Variants in TMF1 observed in about 807,000 individuals in gnomAD.
TMF1 encodes the protein TATA element modulatory factor 1, also known as TATA element modulatory factor.
A neutral mutation model predicts 126.5 loss-of-function variants in TMF1; 71 were observed. The ratio of observed to expected loss-of-function variants is 0.56; its 90% CI spans 0.46 to 0.68. The LOEUF (loss-of-function observed/expected upper bound fraction) is 0.68. Among genes scored for constraint, TMF1 ranks in the 30% least tolerant of loss-of-function variants. The pLI is 0.00. For missense variants in TMF1, 1,259 were observed against 1,253.2 expected (o/e 1.00, Z -0.07); for synonymous variants, 461 against 430.5 (o/e 1.07, Z -0.88).
At chr3:69,039,116 A>G (rs1052983683) in intron 6 of TMF1, 107 bp from the exon 7 acceptor site, 9 of 994,588 alleles carry the variant, frequency 9.0e-6, no homozygotes. Context: ...TATTTTTTTG[A>G]GACAAAGTCT....
chr3:69,035,439 G>C, intron 8 of TMF1: 1 of 210,952 alleles, frequency 4.7e-6, no homozygotes, highest in Non-Finnish European at 9.5e-6. Flanking sequence ...AAAGTGATAG[G>C]TGCTATACGG....
In TMF1 at chr3:69,044,556, C is replaced by T. The variant is rs749208790; in HGVS notation, c.1387G>A (p.Ala463Thr). Residue 463 changes from alanine to threonine, a missense_variant, in exon 3 of 17, where the codon GCT (alanine) becomes ACT (threonine). Coordinates refer to ENST00000398559, the MANE Select transcript of TMF1 (RefSeq NM_007114.3). ...TCCTTACTAAGAGATAATAACTGAG[C>T]CTCCCTTTTTTCCAGCTTTTCATTC... is the stretch of plus-strand genomic sequence containing the variant. ...FLNEKLEKRE[A>T]QLLSLSKEKA... 4.3e-6 allele frequency: 7 copies of T among 1,609,442 alleles called. No individual in the cohort carries two copies. The highest frequency in any genetic ancestry group is 5.9e-6 in the Non-Finnish European group (7 of 1,178,726).
Position 69,048,410 on chromosome 3 carries a change from C to T in TMF1, c.295G>A (p.Ala99Thr). The T allele has an allele frequency of 6.2e-7, 1 of 1,614,162 alleles. No individual in the cohort carries two copies. Among genetic ancestry groups the T allele is most frequent in the Non-Finnish European group, 8.5e-7 (1 of 1,180,038 alleles). ...TGGACATCAGTTGGCGAGAGAAAGG[C>T]ACTGAAGAAATTTTCAGATTCATCG... is the stretch of plus-strand genomic sequence containing the variant. ...VVDESENFFS[A>T]FLSPTDVQTI... The change falls in exon 2 of 17, where the codon GCC becomes ACC. Residue 99 changes from alanine to threonine, a missense_variant. By Grantham distance (58) the Ala-to-Thr change is moderately conservative. Coordinates refer to ENST00000398559, the MANE Select transcript of TMF1 (RefSeq NM_007114.3).
At position 69,027,871 on chromosome 3, in the gene TMF1, CACAA is replaced by C. The variant is rs752496751; in HGVS notation, c.2757+25_2757+28del. The C allele has an allele frequency of 7.0e-5, 89 of 1,267,186 alleles. No individual in the cohort carries two copies. The African/African-American group carries it at 9.7e-4, about 14-fold the overall frequency. The allele number at this position is 1,267,186 out of a possible 1,614,324, so 78.5% of individuals were successfully genotyped here. On this transcript the variant is annotated intron_variant, in intron 13 of 16. Transcript: ENST00000398559. Reference sequence around the variant, plus strand: ...CACAGCATCTACTAAATGGTTACACCACAAACAAACAAAAACAAAATTCAATACC... The same window carrying C: ...CACAGCATCTACTAAATGGTTACACCACAAACAAAAACAAAATTCAATACC...
intron 15 of TMF1, 175 bp from the exon 16 acceptor site, chr3:69,024,355 G>A (rs773961705): frequency 1.0e-4 from 51 of 486,702 alleles, no homozygotes; most frequent in Admixed American, 1.7e-4. Flanking sequence ...GCAGAAAAAC[G>A]GTCCCAACTT....
chr3:69,048,675 C>T, intron 1 of TMF1, 113 bp from the exon 2 acceptor site: 1 of 1,015,200 alleles, frequency 9.9e-7, no homozygotes, highest in East Asian at 2.7e-5. Flanking sequence ...CTATGAAATA[C>T]CTGTAATTTG....
chr3:69,040,684 T>C (rs999284529), intron 5 of TMF1, among the ~76,000 whole-genome samples: 1 of 152,240 alleles, frequency 6.6e-6, no homozygotes, highest in East Asian at 1.9e-4. Context: ...CCCAGCACTT[T>C]TGGGAAGCAG....
rs1460044972 is a variant in TMF1 at position 69,033,631 on chromosome 3, C to G, written c.2318G>C (p.Arg773Pro). 2 of 1,613,858 alleles carry G rather than the reference C, an allele frequency of 1.2e-6. No individual in the cohort carries two copies. The highest frequency in any genetic ancestry group is 1.1e-5 in the South Asian group (1 of 91,062). ...GGTTGCTTGCAAATTTTCTATTTGT[C>G]GAAGCAATGGTCTTGTTGTTGATGA... Reference protein sequence around the residue: ...SVSSTTRPLLRQIENLQATLG... With the variant: ...SVSSTTRPLLPQIENLQATLG... The change falls in exon 10 of 17, where the codon CGA becomes CCA. Residue 773 changes from arginine (R) to proline (P), a missense_variant. Coordinates refer to ENST00000398559, the MANE Select transcript of TMF1 (RefSeq NM_007114.3).
chr3:69,043,723 A>G (rs1386953560), intron 4 of TMF1, 27 bp downstream of exon 4: 1 of 1,581,946 alleles, frequency 6.3e-7, no homozygotes, highest in South Asian at 1.2e-5. Context: ...ATAGAGTTTA[A>G]TTAATATTAC....
In TMF1 at chr3:69,025,697, G is replaced by T. The variant is rs768834828; in HGVS notation, c.2875C>A (p.His959Asn). Residue 959 changes from histidine (H) to asparagine (N), a missense_variant, in exon 15 of 17, where the codon CAC (histidine) becomes AAC (asparagine). Coordinates refer to ENST00000398559, the MANE Select transcript of TMF1 (RefSeq NM_007114.3). ...GATATAGGCATTGGTCCAAATGAGT[G>T]ATCATGAGACTCATCCTATGTTAAT... Reference protein sequence around the residue: ...SFLSQDESHDHSFGPMPISAN... With the variant: ...SFLSQDESHDNSFGPMPISAN... 16 of 1,613,534 alleles carry T rather than the reference G, an allele frequency of 9.9e-6. No individual in the cohort carries two copies. The highest frequency in any genetic ancestry group is 1.4e-5 in the Non-Finnish European group (16 of 1,179,754).
Position 69,024,114 on chromosome 3 carries a change from G to T in TMF1, c.3079C>A (p.Gln1027Lys). The T allele has an allele frequency of 1.2e-6, 2 of 1,610,048 alleles. No homozygotes were observed. The highest frequency in any genetic ancestry group is 2.2e-5 in the South Asian group (2 of 90,264). ...MAEELVKLTN[Q>K]NDELEEKVKE... is the part of the protein sequence containing the mutation. The stretch of plus-strand genomic sequence containing the variant: ...ACCTTCTCTTCAAGTTCATCATTTT[G>T]ATTTGTTAATTTAACTAGTTCTTCA... The change falls in exon 16 of 17, where the codon CAA becomes AAA. Residue 1027 changes from glutamine to lysine, a missense_variant. Coordinates refer to ENST00000398559, the MANE Select transcript of TMF1 (RefSeq NM_007114.3).
chr3:69,045,753 T>A (rs979939383), intron 2 of TMF1, among the ~76,000 whole-genome samples: 1 of 151,368 alleles, frequency 6.6e-6, no homozygotes, highest in African/African-American at 2.4e-5. Flanking sequence ...CCTCAAAAAA[T>A]AAATAAATAA....
rs771018932 is a variant in TMF1 at position 69,020,668 on chromosome 3, T to C, written c.*2509A>G. ...CACCTACTGGAGTTTTTCAAGAAAC[T>C]GTTTAAGTTCACTTTAACTTACAGA... On this transcript the variant is annotated 3_prime_UTR_variant, in exon 17 of 17. Transcript: ENST00000398559. The C allele has an allele frequency of 6.6e-6, 1 of 152,164 alleles. No individual in the cohort carries two copies. Among genetic ancestry groups the C allele is most frequent in the Non-Finnish European group, 1.5e-5 (1 of 67,998 alleles). 9.4% of individuals were successfully genotyped at this position (152,164 alleles called of 1,614,324 possible).
intron 16 of TMF1, among the ~76,000 whole-genome samples, chr3:69,023,767 C>T (rs1415134153): frequency 6.6e-6 from 1 of 152,002 alleles, no homozygotes; most frequent in Admixed American, 6.6e-5. Flanking sequence ...TAACAACAAT[C>T]AACAAAATAT....
intron 13 of TMF1, among the ~76,000 whole-genome samples, chr3:69,026,879 A>C (rs917500529): frequency 2.0e-5 from 3 of 152,208 alleles, no homozygotes; most frequent in Non-Finnish European, 4.4e-5. Context: ...GTATTCTTAA[A>C]ATTCCAAATA....
chr3:69,043,911 T>G lies in TMF1; in HGVS notation c.1452-35A>C, dbSNP rs919645372. The G allele has an allele frequency of 4.5e-6, 7 of 1,563,988 alleles. No homozygotes were observed. In the African/African-American group the frequency reaches 9.6e-5, roughly 21 times the overall value. On this transcript the variant is annotated intron_variant, in intron 3 of 16. Transcript: ENST00000398559. ...AAATAATATTTGAGAATGAGGATGGTGTCTATATATCCCAAAGGTATACAT... is the reference window on the plus strand; with the variant it reads ...AAATAATATTTGAGAATGAGGATGGGGTCTATATATCCCAAAGGTATACAT...
At chr3:69,034,654 T>C (rs570488254) in intron 9 of TMF1, among the ~76,000 whole-genome samples, 1 of 152,332 alleles carries the variant, frequency 6.6e-6, no homozygotes, top group South Asian at 2.1e-4. Flanking sequence ...GTATTTTCTC[T>C]CCCTTTTCCT....
rs1004119110 is a variant in TMF1 at position 69,023,061 on chromosome 3, C to T, written c.*116G>A. ...TAAAACAATTTTAAAAAAATTTTTA[C>T]ACTCTACAGTAAATCCCACTTTCTA... is the stretch of plus-strand genomic sequence containing the variant. On this transcript the variant is annotated 3_prime_UTR_variant, in exon 17 of 17. Coordinates refer to ENST00000398559, the MANE Select transcript of TMF1 (RefSeq NM_007114.3). 6.3e-6 allele frequency: 6 copies of T among 955,756 alleles called. No individual in the cohort carries two copies. Among genetic ancestry groups the T allele is most frequent in the African/African-American group, 1.7e-5 (1 of 59,446 alleles). 59.2% of individuals were successfully genotyped at this position (955,756 alleles called of 1,614,324 possible).
Position 69,047,629 on chromosome 3 carries a change from A to G in TMF1, c.1076T>C (p.Ile359Thr), listed in dbSNP as rs545762421. 7 of 1,614,136 alleles carry G rather than the reference A, an allele frequency of 4.3e-6. No individual in the cohort carries two copies. The highest frequency in any genetic ancestry group is 2.2e-5 in the East Asian group (1 of 44,878). ...SGKGYALVPI[I>T]VNSSTPKSKT... ...AGACTTTGGAGTTGAAGAATTAACT[A>G]TAATAGGCACTAAAGCATATCCCTT... Residue 359 changes from isoleucine to threonine, a missense_variant, in exon 2 of 17, where the codon ATA becomes ACA. By Grantham distance (89) the Ile-to-Thr change is moderately conservative. Transcript: ENST00000398559.
Sources: gnomAD v4.1 joint callset for allele counts (sites outside exome capture counted in the v4.1 genomes callset) on GRCh38, gnomAD v4.1.1 for gene constraint, MANE v1.5 for transcripts, NCBI Gene and HGNC (gene_info 2026-07-23, HGNC 2026-07-21) for gene names.